SRBD1: variants seen among roughly 807,000 people sequenced by gnomAD.
SRBD1 encodes S1 RNA-binding domain-containing protein 1.
A neutral mutation model predicts 115.3 loss-of-function variants in SRBD1; 88 were observed. That is an observed-to-expected ratio of 0.76 (90% CI 0.64 to 0.91). The LOEUF (loss-of-function observed/expected upper bound fraction) is 0.91, where lower values mean the gene tolerates loss of function less well. SRBD1 is among the 40% of genes least tolerant of loss of function. The pLI is 0.00. For missense variants in SRBD1, 1,385 were observed against 1,177.4 expected (o/e 1.18, Z -2.58); for synonymous variants, 509 against 407.7 (o/e 1.25, Z -2.99).
chr2:45,523,290 A>G (rs1671343290), intron 14 of SRBD1, among the ~76,000 whole-genome samples: 1 of 151,212 alleles, frequency 6.6e-6, no homozygotes, highest in African/African-American at 2.4e-5. Context: ...AAAAAAAAAA[A>G]AAGCAAACTA....
intron 15 of SRBD1, among the ~76,000 whole-genome samples, chr2:45,480,169 A>G (rs1305658954): frequency 6.6e-6 from 1 of 152,156 alleles, no homozygotes; most frequent in African/African-American, 2.4e-5. Flanking sequence ...CAAGATTAAT[A>G]CTGTTTTCAT....
rs897723546 is a variant in SRBD1 at position 45,600,096 on chromosome 2, C to T, written c.262-261G>A. Among the ~76,000 whole-genome samples, 4 of 152,200 alleles carry T rather than the reference C, an allele frequency of 2.6e-5. No homozygotes were observed. The South Asian group carries it at 6.2e-4, about 24-fold the overall frequency. ...GGAGGTGGGTGTGGCTATAAAAGGG[C>T]AACACTAGGCATCTTTGTGGTGATG... On this transcript the variant is annotated intron_variant, in intron 3 of 20. Coordinates refer to ENST00000263736, the MANE Select transcript of SRBD1 (RefSeq NM_018079.5).
rs149796281 is a variant in SRBD1 at position 45,410,965 on chromosome 2, T to C, written c.2513+2149A>G. 4.3e-3 allele frequency among the ~76,000 whole-genome samples: 649 copies of C among 152,224 alleles called. 2 individuals carry two copies. The highest frequency in any genetic ancestry group is 6.2e-3 in the Non-Finnish European group (421 of 68,028). On this transcript the variant is annotated intron_variant, in intron 19 of 20. Transcript: ENST00000263736. ...TCATCTGTATCCTTTGTAATATCCT[T>C]TATAATAAGTGGATGAACATTAAGT...
At chr2:45,538,571 G>C (rs1030545419) in intron 14 of SRBD1, among the ~76,000 whole-genome samples, 1 of 152,190 alleles carries the variant, frequency 6.6e-6, no homozygotes, top group African/African-American at 2.4e-5. Flanking sequence ...CTGCTGAAAT[G>C]AGACTATGCT....
intron 14 of SRBD1, among the ~76,000 whole-genome samples, chr2:45,504,239 G>A (rs1002604438): frequency 6.6e-6 from 1 of 152,058 alleles, no homozygotes; most frequent in East Asian, 1.9e-4. Flanking sequence ...CCTTTTCCAC[G>A]TGCCACTTAA....
chr2:45,421,172 A>T (rs561118577), intron 16 of SRBD1, among the ~76,000 whole-genome samples: 4 of 152,186 alleles, frequency 2.6e-5, no homozygotes, highest in Non-Finnish European at 5.9e-5. Context: ...ACTGTAGGAC[A>T]CCATTAAATG....
At chr2:45,558,685 A>ATTTTTTTTTTTTTTTTTTTTTTTTTTTTT (rs1214807980) in intron 10 of SRBD1, among the ~76,000 whole-genome samples, 1 of 89,530 alleles carries the variant, frequency 1.1e-5, no homozygotes, top group Non-Finnish European at 2.2e-5. Context: ...CCACACAATT[A>ATTTTTTTTTTTTTTTTTTTTTTTTTTTTT]TTTTTTTTTT....
intron 14 of SRBD1, among the ~76,000 whole-genome samples, chr2:45,529,258 A>T (rs1337880732): frequency 6.6e-6 from 1 of 151,902 alleles, no homozygotes; most frequent in Non-Finnish European, 1.5e-5. Context: ...TACATTTTAC[A>T]TTTTCCCAGT....
chr2:45,484,127 G>C (rs574790533), intron 15 of SRBD1, among the ~76,000 whole-genome samples: 2 of 151,146 alleles, frequency 1.3e-5, no homozygotes, highest in African/African-American at 4.9e-5. Context: ...TTCTTCCCTA[G>C]TGTATTCTGG....
At chr2:45,541,497 G>A (rs1220833933) in intron 14 of SRBD1, among the ~76,000 whole-genome samples, 1 of 152,240 alleles carries the variant, frequency 6.6e-6, no homozygotes, top group Non-Finnish European at 1.5e-5. Flanking sequence ...AATGAGGTAT[G>A]TGGACAACTG....
intron 16 of SRBD1, among the ~76,000 whole-genome samples, chr2:45,422,529 T>C (rs1024692740): frequency 5.3e-5 from 8 of 152,230 alleles, no homozygotes; most frequent in African/African-American, 1.4e-4. Context: ...ATATTGTATA[T>C]ACCCTTAACA....
intron 16 of SRBD1, among the ~76,000 whole-genome samples, chr2:45,443,548 T>C (rs1668733154): frequency 6.6e-6 from 1 of 152,076 alleles, no homozygotes; most frequent in African/African-American, 2.4e-5. Flanking sequence ...AAGGTTAAGA[T>C]GGCAGGTGGA....
At chr2:45,393,777 T>C (rs1667071612) in intron 19 of SRBD1, among the ~76,000 whole-genome samples, 1 of 152,228 alleles carries the variant, frequency 6.6e-6, no homozygotes. Context: ...TAGGAAAACA[T>C]TTTATTTAAA....
chr2:45,464,931 T>G (rs956409075), intron 16 of SRBD1, among the ~76,000 whole-genome samples: 1 of 152,062 alleles, frequency 6.6e-6, no homozygotes, highest in African/African-American at 2.4e-5. Flanking sequence ...TTTAAACATT[T>G]GTCATAACTA....
chr2:45,591,814 C>T (rs1292439321), intron 4 of SRBD1, among the ~76,000 whole-genome samples: 1 of 152,156 alleles, frequency 6.6e-6, no homozygotes, highest in East Asian at 1.9e-4. Context: ...ATGGTCCATA[C>T]TTATTACACT....
intron 14 of SRBD1, among the ~76,000 whole-genome samples, chr2:45,501,522 A>G (rs974985577): frequency 6.6e-6 from 1 of 152,184 alleles, no homozygotes; most frequent in African/African-American, 2.4e-5. Flanking sequence ...CAAGGAGTCA[A>G]GGAATTCCCT....
intron 16 of SRBD1, among the ~76,000 whole-genome samples, chr2:45,450,441 C>G (rs559999872): frequency 1.3e-5 from 2 of 152,110 alleles, no homozygotes; most frequent in South Asian, 4.2e-4. Context: ...GAATCTACAG[C>G]TTTAGTAGTA....
rs565253518 is a variant in SRBD1 at position 45,583,388 on chromosome 2, T to C, written c.816-1578A>G. On this transcript the variant is annotated intron_variant, in intron 5 of 20. Transcript: ENST00000263736. ...CATTTTAACAAAAAGCCAATTCCTTTTGTCCTATTAGCCTGCATATAAGGA... is the reference window on the plus strand; with the variant it reads ...CATTTTAACAAAAAGCCAATTCCTTCTGTCCTATTAGCCTGCATATAAGGA... Among the ~76,000 whole-genome samples, 8 of 152,324 alleles carry C rather than the reference T, an allele frequency of 5.3e-5. 1 individual carries two copies. The South Asian group carries it at 1.7e-3, about 32-fold the overall frequency.
intron 16 of SRBD1, among the ~76,000 whole-genome samples, chr2:45,476,337 A>G (rs1231896841): frequency 6.6e-6 from 1 of 152,160 alleles, no homozygotes; most frequent in African/African-American, 2.4e-5. Context: ...AAAGTGTAGT[A>G]TAGTACCTAT....
Sources: allele counts gnomAD v4.1 joint callset (sites outside exome capture counted in the v4.1 genomes callset), GRCh38; gene constraint gnomAD v4.1.1; transcripts MANE v1.5; gene names NCBI Gene and HGNC (gene_info 2026-07-23, HGNC 2026-07-21).